The following SCFD2 variants were observed in gnomAD, a reference collection of about 807,000 sequenced individuals.
SCFD2 encodes sec1 family domain-containing protein 2.
SCFD2 carries 54 observed loss-of-function variants against 58.9 expected under a neutral mutation model. The ratio of observed to expected loss-of-function variants is 0.92; its 90% CI spans 0.74 to 1.15. The LOEUF (loss-of-function observed/expected upper bound fraction) is 1.15. SCFD2 is among the 50% of genes most tolerant of loss of function. The pLI is 0.00. For missense variants in SCFD2, 805 were observed against 836.6 expected (o/e 0.96, Z 0.47); for synonymous variants, 321 against 335.9 (o/e 0.96, Z 0.49).
chr4:53,268,763 G>A (rs886088268), intron 4 of SCFD2, among the ~76,000 whole-genome samples: 19 of 152,118 alleles, frequency 1.2e-4, no homozygotes, highest in African/African-American at 4.6e-4. Flanking sequence ...GTTTCCACAA[G>A]GGTGCCTCTG....
At chr4:52,901,786 T>G (rs1021230476) in intron 7 of SCFD2, among the ~76,000 whole-genome samples, 4 of 152,222 alleles carry the variant, frequency 2.6e-5, no homozygotes, top group African/African-American at 4.8e-5. Context: ...TGCTAAATGC[T>G]GCAAAGAAAG....
At chr4:52,961,961 A>G (rs1352902227) in intron 5 of SCFD2, among the ~76,000 whole-genome samples, 1 of 152,218 alleles carries the variant, frequency 6.6e-6, no homozygotes, top group African/African-American at 2.4e-5. Context: ...GACATTGTGA[A>G]AGAACTGACC....
intron 4 of SCFD2, among the ~76,000 whole-genome samples, chr4:53,201,238 T>C (rs1192134616): frequency 5.4e-5 from 8 of 147,690 alleles, no homozygotes; most frequent in African/African-American, 1.7e-4. Context: ...CGTGTTCTCA[T>C]TGTTCAATTC....
chr4:52,965,334 C>A lies in SCFD2; in HGVS notation c.1562-44464G>T, dbSNP rs560974199. Among the ~76,000 whole-genome samples the A allele has an allele frequency of 3.4e-3, 523 of 152,276 alleles. 3 individuals carry two copies. Among genetic ancestry groups the A allele is most frequent in the Non-Finnish European group, 5.9e-3 (399 of 68,032 alleles). ...CACTTCATGCCACAGACACTATTTA[C>A]TGGTTTCCAGCCTCAGCCCAGAGCC... On this transcript the variant is annotated intron_variant, in intron 5 of 8. Coordinates refer to ENST00000401642, the MANE Select transcript of SCFD2 (RefSeq NM_152540.4).
At chr4:53,222,627 A>AT (rs11300357) in intron 4 of SCFD2, among the ~76,000 whole-genome samples, 1 of 151,156 alleles carries the variant, frequency 6.6e-6, no homozygotes, top group African/African-American at 2.4e-5. Context: ...TCCAAATAGC[A>AT]TTTTTTTTTT....
At chr4:53,093,618 C>T (rs1435164623) in intron 5 of SCFD2, among the ~76,000 whole-genome samples, 1 of 152,110 alleles carries the variant, frequency 6.6e-6, no homozygotes, top group Non-Finnish European at 1.5e-5. Flanking sequence ...AATACCCATA[C>T]AACAGAATAC....
At chr4:53,339,076 A>G (rs940976331) in intron 2 of SCFD2, among the ~76,000 whole-genome samples, 2 of 152,176 alleles carry the variant, frequency 1.3e-5, no homozygotes, top group East Asian at 1.9e-4. Context: ...GGAAAAAAGA[A>G]CACAGTGAGA....
intron 4 of SCFD2, among the ~76,000 whole-genome samples, chr4:53,162,142 A>G (rs1468755678): frequency 2.6e-5 from 4 of 151,412 alleles, no homozygotes; most frequent in Non-Finnish European, 5.9e-5. Context: ...AAACCTGCTT[A>G]TTTTTCCTTT....
intron 3 of SCFD2, among the ~76,000 whole-genome samples, chr4:53,278,988 G>T (rs1577925526): frequency 6.6e-6 from 1 of 151,134 alleles, no homozygotes; most frequent in East Asian, 1.9e-4. Context: ...CAAAAATGCT[G>T]CAGTAAGACT....
intron 5 of SCFD2, among the ~76,000 whole-genome samples, chr4:52,928,717 T>C (rs763181202): frequency 6.6e-6 from 1 of 152,136 alleles, no homozygotes; most frequent in Non-Finnish European, 1.5e-5. Flanking sequence ...CAGCCTATAG[T>C]TATTGCTCAA....
intron 4 of SCFD2, among the ~76,000 whole-genome samples, chr4:53,179,851 C>T (rs186319625): frequency 2.7e-3 from 405 of 152,172 alleles, no homozygotes; most frequent in African/African-American, 9.3e-3. Context: ...GGTTGCAATC[C>T]TAGTCTCTGA....
At chr4:53,192,578 T>C (rs1332142263) in intron 4 of SCFD2, among the ~76,000 whole-genome samples, 1 of 152,162 alleles carries the variant, frequency 6.6e-6, no homozygotes, top group African/African-American at 2.4e-5. Flanking sequence ...AACTATTCAA[T>C]AAATGGCAAC....
intron 3 of SCFD2, among the ~76,000 whole-genome samples, chr4:53,297,267 G>A (rs1732071107): frequency 6.6e-6 from 1 of 152,134 alleles, no homozygotes. Context: ...TATTGTGTGG[G>A]AGTCTACATC....
At chr4:53,146,189 T>TA (rs1273690519) in intron 4 of SCFD2, among the ~76,000 whole-genome samples, 5 of 152,000 alleles carry the variant, frequency 3.3e-5, no homozygotes, top group Non-Finnish European at 5.9e-5. Flanking sequence ...GCATTAAATT[T>TA]AAAAAAATTG....
At chr4:53,217,530 G>A (rs1168614990) in intron 4 of SCFD2, among the ~76,000 whole-genome samples, 1 of 152,094 alleles carries the variant, frequency 6.6e-6, no homozygotes, top group Admixed American at 6.6e-5. Flanking sequence ...TTGAGCCTAT[G>A]TGTGTCTCTG....
rs187087157 is a variant in SCFD2 at position 53,201,357 on chromosome 4, T to C, written c.1312-55775A>G. 7.6e-4 allele frequency among the ~76,000 whole-genome samples: 116 copies of C among 152,264 alleles called. No homozygotes were observed. In the East Asian group the frequency reaches 0.02, roughly 27 times the overall value. ...TGTCCCTACAAAGGACATGAACTCA[T>C]CCTTTTTTATGGCTCCATAGTATTC... On this transcript the variant is annotated intron_variant, in intron 4 of 8. Transcript: ENST00000401642.
chr4:53,339,266 T>A (rs560323654), intron 2 of SCFD2, among the ~76,000 whole-genome samples: 16 of 151,900 alleles, frequency 1.1e-4, no homozygotes, highest in African/African-American at 3.1e-4. Context: ...GTTTCTATAC[T>A]TCACTCAAAC....
At chr4:53,027,742 C>T (rs967803924) in intron 5 of SCFD2, among the ~76,000 whole-genome samples, 5 of 152,060 alleles carry the variant, frequency 3.3e-5, no homozygotes, top group East Asian at 3.9e-4. Flanking sequence ...GTGGGAGGAT[C>T]GCTTGAGCCC....
chr4:52,974,156 G>A (rs1721186863), intron 5 of SCFD2, among the ~76,000 whole-genome samples: 1 of 152,170 alleles, frequency 6.6e-6, no homozygotes. Flanking sequence ...CATAGTGTTG[G>A]AAGTTCTGGC....
Sources: gnomAD v4.1 joint callset for allele counts (sites outside exome capture counted in the v4.1 genomes callset) on GRCh38, gnomAD v4.1.1 for gene constraint, MANE v1.5 for transcripts, NCBI Gene and HGNC (gene_info 2026-07-23, HGNC 2026-07-21) for gene names.